MEI4: variants seen among roughly 807,000 people sequenced by gnomAD.
The protein encoded by MEI4 is meiotic double-stranded break formation protein 4.
In MEI4, 27 loss-of-function variants were observed where a neutral mutation model predicts 31.4. The ratio of observed to expected loss-of-function variants is 0.86; its 90% confidence interval spans 0.63 to 1.19. MEI4 has a LOEUF of 1.19. Ranked by LOEUF, MEI4 falls within the 50% of genes most tolerant of loss-of-function variation. The pLI is 0.00. For synonymous variants in MEI4, 122 were observed against 145.4 expected, an observed-to-expected ratio of 0.84 and a Z score of 1.16; for missense variants, 329 against 398.9, an observed-to-expected ratio of 0.82 and a Z score of 1.49.
chr6:77,679,092 A>G (rs1170730685), intron 1 of MEI4, among the ~76,000 whole-genome samples: 1 of 152,204 alleles, frequency 6.6e-6, no homozygotes, highest in African/African-American at 2.4e-5. Flanking sequence ...AAAAATCTGA[A>G]ATGTTTATAA....
At chr6:77,775,411 A>C (rs1424299704) in intron 3 of MEI4, among the ~76,000 whole-genome samples, 1 of 151,932 alleles carries the variant, frequency 6.6e-6, no homozygotes, top group East Asian at 1.9e-4. Context: ...CATAGCTCCC[A>C]CTTATGAGTG....
intron 3 of MEI4, among the ~76,000 whole-genome samples, chr6:77,811,361 T>A (rs1450722852): frequency 1.3e-5 from 2 of 152,194 alleles, no homozygotes; most frequent in Admixed American, 6.6e-5. Flanking sequence ...TAAAATACTA[T>A]CTAGCATAAT....
chr6:77,797,830 T>C (rs1035263167), intron 3 of MEI4, among the ~76,000 whole-genome samples: 2 of 152,102 alleles, frequency 1.3e-5, no homozygotes, highest in African/African-American at 4.8e-5. Context: ...GTCCACTGAC[T>C]CAAATGTTAA....
At chr6:77,886,184 T>A (rs1315336467) in intron 4 of MEI4, among the ~76,000 whole-genome samples, 1 of 152,190 alleles carries the variant, frequency 6.6e-6, no homozygotes, top group Non-Finnish European at 1.5e-5. Flanking sequence ...TACAATGAGT[T>A]AGGAAGAATT....
chr6:77,904,719 C>A (rs941758829), intron 4 of MEI4, among the ~76,000 whole-genome samples: 5 of 152,082 alleles, frequency 3.3e-5, no homozygotes, highest in Non-Finnish European at 7.4e-5. Flanking sequence ...GGTTGATGAG[C>A]AGTTAGGTTG....
chr6:77,698,151 C>T (rs535057596), intron 2 of MEI4, among the ~76,000 whole-genome samples: 1 of 152,148 alleles, frequency 6.6e-6, no homozygotes, highest in Non-Finnish European at 1.5e-5. Flanking sequence ...ATTTTGAGCC[C>T]ATGTGTGTCT....
chr6:77,652,219 A>G (rs1768311217), upstream of MEI4, among the ~76,000 whole-genome samples: 1 of 152,230 alleles, frequency 6.6e-6, no homozygotes, highest in Admixed American at 6.5e-5. Flanking sequence ...TGATACAATC[A>G]TAATGACGAG....
intron 3 of MEI4, among the ~76,000 whole-genome samples, chr6:77,812,060 T>A (rs1008189704): frequency 1.2e-4 from 19 of 152,264 alleles, no homozygotes; most frequent in African/African-American, 4.6e-4. Context: ...AAAAGGAGGT[T>A]ATTTAGGTAA....
intron 4 of MEI4, among the ~76,000 whole-genome samples, chr6:77,852,662 A>T (rs1050456654): frequency 6.6e-6 from 1 of 150,484 alleles, no homozygotes; most frequent in Admixed American, 6.6e-5. Context: ...CCTGATTCAT[A>T]AATGGTGCCT....
chr6:77,703,630 C>T (rs1435899047), intron 2 of MEI4, among the ~76,000 whole-genome samples: 7 of 152,044 alleles, frequency 4.6e-5, no homozygotes, highest in Non-Finnish European at 1.5e-5. Flanking sequence ...TACTAGAAAT[C>T]CAAACGTACC....
intron 3 of MEI4, among the ~76,000 whole-genome samples, chr6:77,793,061 A>T (rs1378391882): frequency 6.6e-6 from 1 of 152,182 alleles, no homozygotes; most frequent in East Asian, 1.9e-4. Flanking sequence ...GTGTGTGTTA[A>T]TAGCAACTTT....
At chr6:77,908,815 A>G (rs963249830) in intron 4 of MEI4, among the ~76,000 whole-genome samples, 15 of 152,264 alleles carry the variant, frequency 9.9e-5, no homozygotes, top group African/African-American at 3.6e-4. Context: ...CTAAATATAT[A>G]TGTACCCAAT....
chr6:77,887,587 G>T (rs950500414), intron 4 of MEI4, among the ~76,000 whole-genome samples: 1 of 152,052 alleles, frequency 6.6e-6, no homozygotes, highest in South Asian at 2.1e-4. Context: ...GACAGCCACC[G>T]CACCCGGCCT....
chr6:77,895,640 T>A (rs1766067812), intron 4 of MEI4, among the ~76,000 whole-genome samples: 1 of 152,152 alleles, frequency 6.6e-6, no homozygotes, highest in African/African-American at 2.4e-5. Flanking sequence ...TATTTACTTC[T>A]TTATCTCCTT....
chr6:77,682,141 A>T (rs1001396604), intron 1 of MEI4, among the ~76,000 whole-genome samples: 2 of 152,140 alleles, frequency 1.3e-5, no homozygotes, highest in African/African-American at 2.4e-5. Context: ...GCTCTGCTTC[A>T]CCCCACACCG....
intron 2 of MEI4, among the ~76,000 whole-genome samples, chr6:77,735,020 G>A (rs889178104): frequency 6.6e-6 from 1 of 151,972 alleles, no homozygotes; most frequent in South Asian, 2.1e-4. Context: ...AGTCTGATGG[G>A]CTTCCCCTTG....
rs561368454 is a variant in MEI4 at position 77,812,961 on chromosome 6, A to C, written c.769-15970A>C. Among the ~76,000 whole-genome samples, 9 of 152,194 alleles carry C rather than the reference A, an allele frequency of 5.9e-5. No individual in the cohort carries two copies. In the East Asian group the frequency reaches 1.4e-3, roughly 23 times the overall value. On this transcript the variant is annotated intron_variant, in intron 3 of 4. Coordinates refer to ENST00000684080, the MANE Select transcript of MEI4 (RefSeq NM_001322247.2). ...GAGTAGTTTTCAGGTGAGTCTTGCC[A>C]AGCAGGGACATGGTTGGGATTGGAA...
intron 4 of MEI4, among the ~76,000 whole-genome samples, chr6:77,893,011 GA>G (rs1362814507): frequency 6.6e-6 from 1 of 152,050 alleles, no homozygotes; most frequent in Non-Finnish European, 1.5e-5. Context: ...GATGTCTGTG[GA>G]AAAAGATATT....
chr6:77,719,311 T>A (rs1327579970), intron 2 of MEI4, among the ~76,000 whole-genome samples: 1 of 137,288 alleles, frequency 7.3e-6, no homozygotes, highest in Non-Finnish European at 1.6e-5. Context: ...ATTTTAGTGA[T>A]CTTTGATAAG....
Sources: gnomAD v4.1 joint callset for allele counts (sites outside exome capture counted in the v4.1 genomes callset) on GRCh38, gnomAD v4.1.1 for gene constraint, MANE v1.5 for transcripts, NCBI Gene and HGNC (gene_info 2026-07-23, HGNC 2026-07-21) for gene names.